Variants in EPHB1 observed in about 807,000 individuals in gnomAD.
The protein encoded by EPHB1 is EPH receptor B1.
In EPHB1, 30 loss-of-function variants were observed where a neutral mutation model predicts 94.4. That is an observed-to-expected ratio of 0.32 (90% CI 0.24 to 0.43). The LOEUF is 0.43. Ranked by LOEUF, EPHB1 falls within the 20% of genes least tolerant of loss-of-function variation. The probability of loss-of-function intolerance (pLI) is 1.00; values close to 1 mark genes in which losing one functional copy is unlikely to be tolerated. For synonymous variants in EPHB1, 522 were observed against 489.1 expected, an observed-to-expected ratio of 1.07 and a Z score of -0.89; for missense variants, 1,055 against 1,308.3, an observed-to-expected ratio of 0.81 and a Z score of 2.99.
intron 12 of EPHB1, among the ~76,000 whole-genome samples, chr3:135,238,707 C>T (rs1943709994): frequency 6.6e-6 from 1 of 152,196 alleles, no homozygotes; most frequent in African/African-American, 2.4e-5. Flanking sequence ...GATACATTCT[C>T]ACACACAATC....
At chr3:135,002,553 C>T (rs1935223751) in intron 3 of EPHB1, among the ~76,000 whole-genome samples, 2 of 151,600 alleles carry the variant, frequency 1.3e-5, no homozygotes, top group African/African-American at 4.8e-5. Flanking sequence ...CTCCTTGTAC[C>T]TCTGGTAGAA....
chr3:135,213,492 CCTT>C (rs2107716941), intron 12 of EPHB1, among the ~76,000 whole-genome samples: 1 of 152,334 alleles, frequency 6.6e-6, no homozygotes, highest in Non-Finnish European at 1.5e-5. Flanking sequence ...TCACAGGTCA[CCTT>C]CTCATTATTA....
intron 4 of EPHB1, among the ~76,000 whole-genome samples, chr3:135,120,408 CAG>C (rs1359377444): frequency 1.3e-5 from 2 of 152,058 alleles, no homozygotes; most frequent in African/African-American, 4.8e-5. Flanking sequence ...TAACAGATGA[CAG>C]TGTAGTGGTG....
In EPHB1 at chr3:135,010,359, T is replaced by C. The variant is rs537599880; in HGVS notation, c.805+58307T>C. Among the ~76,000 whole-genome samples the C allele has an allele frequency of 4.4e-4, 67 of 152,308 alleles. 1 individual carries two copies. The South Asian group carries it at 0.014, about 31-fold the overall frequency. ...GATGAGATGTGTAGCTGTTACATTC[T>C]GTTCTCTGCCATAATACACAGGCAT... On this transcript the variant is annotated intron_variant, in intron 3 of 15. Transcript: ENST00000398015.
chr3:134,889,610 G>A (rs1303314798), intron 1 of EPHB1, among the ~76,000 whole-genome samples: 1 of 151,830 alleles, frequency 6.6e-6, no homozygotes, highest in Non-Finnish European at 1.5e-5. Flanking sequence ...TTTAATATCT[G>A]CTAAGACTAT....
chr3:134,956,441 C>T (rs190736349), intron 3 of EPHB1, among the ~76,000 whole-genome samples: 267 of 152,214 alleles, frequency 1.8e-3, no homozygotes, highest in East Asian at 1.6e-3. Flanking sequence ...TTCTCCCTGC[C>T]ATCCTCTCTT....
Position 135,076,260 on chromosome 3 carries a change from T to TATATATATATATATATAA in EPHB1, c.806-30187_806-30186insTATATATATATATATAAA, listed in dbSNP as rs1424213544. 2.6e-3 allele frequency among the ~76,000 whole-genome samples: 270 copies of TATATATATATATATATAA among 104,278 alleles called. 6 individuals carry two copies. Among genetic ancestry groups the TATATATATATATATATAA allele is most frequent in the African/African-American group, 9.1e-3 (250 of 27,582 alleles). 68.4% of individuals were successfully genotyped at this position (104,278 alleles called of 152,430 possible). A position where few individuals can be genotyped will look rare whatever the true frequency, so the allele number is the denominator to read the frequency against. ...ATATATATATATATATATATATATA[T>TATATATATATATATATAA]AACTCTTAAATGCATTAGTAAAAAG... On this transcript the variant is annotated intron_variant, in intron 3 of 15. Transcript: ENST00000398015.
intron 1 of EPHB1, among the ~76,000 whole-genome samples, chr3:134,906,877 CT>C (rs2038343888): frequency 6.6e-6 from 1 of 152,182 alleles, no homozygotes; most frequent in Non-Finnish European, 1.5e-5. Context: ...CACCATTCAA[CT>C]GATGGTGTTG....
At chr3:135,142,499 A>G (rs1940861051) in intron 5 of EPHB1, among the ~76,000 whole-genome samples, 1 of 152,312 alleles carries the variant, frequency 6.6e-6, no homozygotes, top group African/African-American at 2.4e-5. Flanking sequence ...GTTATTGCAA[A>G]GATGGAGCCT....
At chr3:135,001,503 A>C (rs1039080393) in intron 3 of EPHB1, among the ~76,000 whole-genome samples, 1 of 152,214 alleles carries the variant, frequency 6.6e-6, no homozygotes, top group African/African-American at 2.4e-5. Context: ...ATGCCAATTT[A>C]AAGTATTGAC....
chr3:134,930,883 G>T (rs62270312), intron 2 of EPHB1, among the ~76,000 whole-genome samples: 1 of 152,134 alleles, frequency 6.6e-6, no homozygotes. Flanking sequence ...CCTTCACTCT[G>T]TAAGTTAAAT....
intron 4 of EPHB1, among the ~76,000 whole-genome samples, chr3:135,126,949 A>G (rs996841622): frequency 2.0e-5 from 3 of 152,180 alleles, no homozygotes; most frequent in African/African-American, 7.2e-5. Flanking sequence ...GAGCAGGTGA[A>G]GATTCCCGAT....
intron 3 of EPHB1, among the ~76,000 whole-genome samples, chr3:135,048,256 T>TATC (rs1361819688): frequency 5.3e-4 from 73 of 137,384 alleles, no homozygotes; most frequent in African/African-American, 2.2e-3. Flanking sequence ...TTCTTTCTTT[T>TATC]TTCTTTTTTT....
intron 13 of EPHB1, among the ~76,000 whole-genome samples, chr3:135,247,869 G>A (rs1193995736): frequency 6.6e-6 from 1 of 152,128 alleles, no homozygotes. Flanking sequence ...ATGAAAGAAT[G>A]AGTCCACCAC....
chr3:135,246,175 G>T (rs1197031176), intron 13 of EPHB1, among the ~76,000 whole-genome samples: 2 of 152,048 alleles, frequency 1.3e-5, no homozygotes, highest in African/African-American at 4.8e-5. Flanking sequence ...GAAGACTTTG[G>T]GGACCCCTGG....
At chr3:134,945,777 G>T (rs2107711811) in intron 2 of EPHB1, among the ~76,000 whole-genome samples, 1 of 152,360 alleles carries the variant, frequency 6.6e-6, no homozygotes. Flanking sequence ...CTAAGAAGCA[G>T]CCATTGAATG....
intron 3 of EPHB1, among the ~76,000 whole-genome samples, chr3:135,040,274 GT>G (rs1164159165): frequency 6.6e-6 from 1 of 152,204 alleles, no homozygotes; most frequent in Non-Finnish European, 1.5e-5. Context: ...ACACTATAAT[GT>G]GGTATAAAGG....
intron 3 of EPHB1, among the ~76,000 whole-genome samples, chr3:134,971,624 G>A (rs7629642): frequency 0.48 from 73,058 of 151,960 alleles, 18,135 homozygotes; most frequent in African/African-American, 0.58. Flanking sequence ...AGAGGTTGCT[G>A]GTCCTTCTCC....
chr3:134,871,015 T>C (rs1402602120), intron 1 of EPHB1, among the ~76,000 whole-genome samples: 1 of 152,186 alleles, frequency 6.6e-6, no homozygotes. Flanking sequence ...CTTAGGCCCC[T>C]GGAGTGGGTA....
Sources: allele counts gnomAD v4.1 joint callset (sites outside exome capture counted in the v4.1 genomes callset), GRCh38; gene constraint gnomAD v4.1.1; transcripts MANE v1.5; gene names NCBI Gene and HGNC (gene_info 2026-07-23, HGNC 2026-07-21).